Variants in TMEM44 observed in about 807,000 individuals in gnomAD.
The protein encoded by TMEM44 is transmembrane protein 44.
TMEM44 carries 43 observed loss-of-function variants against 47.8 expected under a neutral mutation model. The ratio of observed to expected loss-of-function variants is 0.90; its 90% CI spans 0.70 to 1.16. The LOEUF is 1.16. Among genes scored for constraint, TMEM44 ranks in the 50% most tolerant of loss-of-function variants. TMEM44 has a pLI of 0.00. For synonymous variants in TMEM44, 277 were observed against 238.8 expected (o/e 1.16, Z -1.48); for missense variants, 568 against 555.2 (o/e 1.02, Z -0.23).
At chr3:194,607,744 G>C (rs1412032620) in intron 8 of TMEM44, among the ~76,000 whole-genome samples, 1 of 152,210 alleles carries the variant, frequency 6.6e-6, no homozygotes, top group Non-Finnish European at 1.5e-5. Flanking sequence ...AGTGTTGGCT[G>C]CTGTTGTTTA....
chr3:194,628,802 A>AC (rs886854487), intron 1 of TMEM44, among the ~76,000 whole-genome samples: 3 of 151,812 alleles, frequency 2.0e-5, no homozygotes, highest in African/African-American at 2.4e-5. Context: ...CCATTTGATG[A>AC]CCCCCCACCT....
chr3:194,610,344 A>G (rs1715182868), intron 8 of TMEM44, among the ~76,000 whole-genome samples: 1 of 152,118 alleles, frequency 6.6e-6, no homozygotes, highest in South Asian at 2.1e-4. Flanking sequence ...ATGCCTCTTT[A>G]GCATATGGAT....
intron 1 of TMEM44, chr3:194,632,819 AG>A: frequency 2.0e-6 from 1 of 492,034 alleles, no homozygotes; most frequent in Non-Finnish European, 3.5e-6. Context: ...AATAGCACCC[AG>A]GGCTCGCGGT....
intron 1 of TMEM44, among the ~76,000 whole-genome samples, chr3:194,630,015 G>A (rs1220083429): frequency 1.2e-5 from 1 of 86,414 alleles, no homozygotes; most frequent in Non-Finnish European, 2.2e-5. Context: ...CCTGCCTCCA[G>A]AAGGGGCTGG....
intron 7 of TMEM44, among the ~76,000 whole-genome samples, chr3:194,613,085 A>C (rs1017237620): frequency 5.3e-5 from 8 of 152,238 alleles, no homozygotes; most frequent in Non-Finnish European, 1.0e-4. Flanking sequence ...TTAAATCAAT[A>C]AAAGGAGACG....
At chr3:194,595,750 T>C (rs1713327854) in intron 9 of TMEM44, among the ~76,000 whole-genome samples, 1 of 151,930 alleles carries the variant, frequency 6.6e-6, no homozygotes, top group Non-Finnish European at 1.5e-5. Flanking sequence ...CTCAGCCTCC[T>C]GAGTAGCTGG....
rs574845246 is a variant in TMEM44 at position 194,630,964 on chromosome 3, C to T, written c.137+2115G>A. Among the ~76,000 whole-genome samples, 78 of 139,306 alleles carry T rather than the reference C, an allele frequency of 5.6e-4. 1 individual carries two copies. Among genetic ancestry groups the T allele is most frequent in the African/African-American group, 2.1e-3 (75 of 36,208 alleles). 91.4% of individuals were successfully genotyped at this position (139,306 alleles called of 152,430 possible). A position where few individuals can be genotyped will look rare whatever the true frequency, so the allele number is the denominator to read the frequency against. ...TCCTGGAGGGGCTGGCTGTTTCCGTCGGCATCACTGATAGGGCCTCTGAAA... is the reference window on the plus strand; with the variant it reads ...TCCTGGAGGGGCTGGCTGTTTCCGTTGGCATCACTGATAGGGCCTCTGAAA... On this transcript the variant is annotated intron_variant, in intron 1 of 9. Coordinates refer to ENST00000347147, the MANE Select transcript of TMEM44 (RefSeq NM_001011655.3).
rs766926917 is a variant in TMEM44 at position 194,610,940 on chromosome 3, C to G, written c.993G>C (p.Glu331Asp). ...RTMTAISRYM[E>D]LTIEPVQQAG... ...CCTGCTGCACAGGCTCGATGGTCAG[C>G]TCCATGTAGCGACTGATTGCTGTCA... The change falls in exon 8 of 10, where the codon GAG becomes GAC. Residue 331 changes from glutamate to aspartate, a missense_variant. Physicochemically the swap from Glu to Asp is conservative, Grantham distance 45 (BLOSUM62 2). Coordinates refer to ENST00000347147, the MANE Select transcript of TMEM44 (RefSeq NM_001011655.3). 7 of 1,613,868 alleles carry G rather than the reference C, an allele frequency of 4.3e-6. No homozygotes were observed. The South Asian group carries it at 7.7e-5, about 18-fold the overall frequency.
intron 6 of TMEM44, 54 bp from the exon 7 acceptor site, chr3:194,615,751 GC>G: frequency 6.3e-7 from 1 of 1,598,054 alleles, no homozygotes; most frequent in Non-Finnish European, 8.5e-7. Flanking sequence ...GCCTAGCGTG[GC>G]CCTTCACCCC....
In TMEM44 at chr3:194,588,122, G is replaced by A. The variant is rs1257374595; in HGVS notation, c.*407C>T. On this transcript the variant is annotated 3_prime_UTR_variant, in exon 10 of 10. Coordinates refer to ENST00000347147, the MANE Select transcript of TMEM44 (RefSeq NM_001011655.3). ...TCATCTGGCTCAGCCAGGTCTTGCA[G>A]AATGGGCTCTGCTGAGATCTAACCA... 6.1e-6 allele frequency: 1 copy of A among 164,970 alleles called. No individual in the cohort carries two copies. The highest frequency in any genetic ancestry group is 1.8e-4 in the East Asian group (1 of 5,532). 10.2% of individuals were successfully genotyped at this position (164,970 alleles called of 1,614,324 possible). A position where few individuals can be genotyped will look rare whatever the true frequency, so the allele number is the denominator to read the frequency against.
At position 194,615,668 on chromosome 3, in the gene TMEM44, G is replaced by C. The variant is rs774589499; in HGVS notation, c.813C>G (p.Ser271Arg). Residue 271 changes from serine (S) to arginine (R), a missense_variant, in exon 7 of 10, where the codon AGC becomes AGG. Transcript: ENST00000347147. Reference sequence around the variant, plus strand: ...CAAATCCTAAGGCCTGTCTCATCTTGCTCTTCATCACACACGAAAGGAAAA... The same window carrying C: ...CAAATCCTAAGGCCTGTCTCATCTTCCTCTTCATCACACACGAAAGGAAAA... The part of the protein sequence containing the change: ...AIIFLSCVMK[S>R]KMRQALGFAK... 1.2e-6 allele frequency: 2 copies of C among 1,614,042 alleles called. No homozygotes were observed. Among genetic ancestry groups the C allele is most frequent in the Non-Finnish European group, 1.7e-6 (2 of 1,179,964 alleles).
chr3:194,593,914 G>T (rs779243309), intron 9 of TMEM44, among the ~76,000 whole-genome samples: 2 of 152,086 alleles, frequency 1.3e-5, no homozygotes, highest in African/African-American at 4.8e-5. Flanking sequence ...GGGCTCAACT[G>T]ATCTTCCTGC....
Position 194,588,285 on chromosome 3 carries a change from T to TG in TMEM44, c.*243_*244insC, listed in dbSNP as rs58683084. 0.076 allele frequency: 36,216 copies of TG among 476,974 alleles called. 1,710 individuals carry two copies. Among genetic ancestry groups the TG allele is most frequent in the African/African-American group, 0.15 (7,616 of 50,490 alleles). 29.5% of individuals were successfully genotyped at this position (476,974 alleles called of 1,614,324 possible). On this transcript the variant is annotated 3_prime_UTR_variant, in exon 10 of 10. Transcript: ENST00000347147. ...TGGATTATCTTTACGAAGCAAAAGC[T>TG]TCTGTGAACTGTGATCTTCAGAACG...
At chr3:194,617,045 A>T in intron 6 of TMEM44, 54 bp downstream of exon 6, 1 of 1,436,570 alleles carries the variant, frequency 7.0e-7, no homozygotes. Context: ...AGAGGACGAG[A>T]CACAGGCCTC....
At chr3:194,598,224 C>T (rs936852778) in intron 9 of TMEM44, among the ~76,000 whole-genome samples, 5 of 152,158 alleles carry the variant, frequency 3.3e-5, no homozygotes, top group Non-Finnish European at 4.4e-5. Context: ...TCCCTCCACG[C>T]GAGCCCCACA....
rs1431297455 is a variant in TMEM44 at position 194,611,947 on chromosome 3, A to T, written c.913-927T>A. Among the ~76,000 whole-genome samples the T allele has an allele frequency of 6.6e-6, 1 of 152,024 alleles. No individual in the cohort carries two copies. Among genetic ancestry groups the T allele is most frequent in the Non-Finnish European group, 1.5e-5 (1 of 67,994 alleles). ...GGAGGCAGGAGAATCGCTTGAACCC[A>T]GGAGGCGGAGGTTGCAGCAAGCTGA... On this transcript the variant is annotated intron_variant, in intron 7 of 9. Coordinates refer to ENST00000347147, the MANE Select transcript of TMEM44 (RefSeq NM_001011655.3). The surrounding 1 kb of genome is among the most constrained non-coding windows in gnomAD (Gnocchi z 4.2).
intron 7 of TMEM44, among the ~76,000 whole-genome samples, chr3:194,612,625 A>C (rs1715440406): frequency 6.6e-6 from 1 of 151,968 alleles, no homozygotes; most frequent in South Asian, 2.1e-4. Flanking sequence ...TCCAAAAAAA[A>C]AAAAAAATTG....
intron 9 of TMEM44, among the ~76,000 whole-genome samples, chr3:194,592,230 A>ACC (rs1560155234): frequency 6.6e-6 from 1 of 151,272 alleles, no homozygotes; most frequent in East Asian, 1.9e-4. Flanking sequence ...GTCTCAAAAA[A>ACC]AAAAAAAAAA....
chr3:194,625,523 C>T (rs1423524999), intron 3 of TMEM44, among the ~76,000 whole-genome samples: 1 of 152,160 alleles, frequency 6.6e-6, no homozygotes, highest in Non-Finnish European at 1.5e-5. Flanking sequence ...GCTCTGTCGC[C>T]AGGCTGGAAT....
Sources: allele counts gnomAD v4.1 joint callset (sites outside exome capture counted in the v4.1 genomes callset), GRCh38; gene constraint gnomAD v4.1.1; non-coding constraint Gnocchi (gnomAD v3.1); transcripts MANE v1.5; gene names NCBI Gene and HGNC (gene_info 2026-07-23, HGNC 2026-07-21).